C3orf20: variants seen among roughly 807,000 people sequenced by gnomAD.
C3orf20 encodes family with sequence similarity 149 member C.
A neutral mutation model predicts 88.3 loss-of-function variants in C3orf20; 76 were observed. The ratio of observed to expected loss-of-function variants is 0.86; its 90% confidence interval spans 0.72 to 1.04. The LOEUF (loss-of-function observed/expected upper bound fraction) is 1.04. Among genes scored for constraint, C3orf20 ranks in the 50% least tolerant of loss-of-function variants. C3orf20 has a pLI of 0.00. For synonymous variants in C3orf20, 436 were observed against 437.4 expected (o/e 1.00, Z 0.04); for missense variants, 1,056 against 1,123.3 (o/e 0.94, Z 0.86).
intron 9 of C3orf20, among the ~76,000 whole-genome samples, chr3:14,717,322 G>A (rs1002443638): frequency 2.0e-5 from 3 of 152,174 alleles, no homozygotes; most frequent in African/African-American, 7.2e-5. Context: ...GCTGCATGCA[G>A]AAGAGCACAA....
chr3:14,761,498 T>A lies in C3orf20; in HGVS notation c.2378T>A (p.Phe793Tyr), dbSNP rs753033686. ...ATGTTTGCCGGGGGGAAGCTCATTT[T>A]TGGGGGCCGTGTTTTGAATGGATAT... Reference protein sequence around the residue: ...ILMFAGGKLIFGGRVLNGYGL... With the variant: ...ILMFAGGKLIYGGRVLNGYGL... The change falls in exon 15 of 17, where the codon TTT (phenylalanine) becomes TAT (tyrosine). Residue 793 changes from phenylalanine to tyrosine, a missense_variant. By Grantham distance (22) the Phe-to-Tyr change is conservative. Coordinates refer to ENST00000253697, the MANE Select transcript of C3orf20 (RefSeq NM_032137.5). 6.2e-6 allele frequency: 10 copies of A among 1,614,096 alleles called. No homozygotes were observed. Among genetic ancestry groups the A allele is most frequent in the Non-Finnish European group, 8.5e-6 (10 of 1,180,036 alleles).
chr3:14,770,047 C>T (rs1289907451), intron 15 of C3orf20, among the ~76,000 whole-genome samples: 1 of 152,150 alleles, frequency 6.6e-6, no homozygotes, highest in Non-Finnish European at 1.5e-5. Context: ...TCCTCCACAT[C>T]CACCCTGGGC....
At position 14,690,444 on chromosome 3, in the gene C3orf20, C is replaced by T. The variant is rs115867982; in HGVS notation, c.745+328C>T. 1.8e-3 allele frequency among the ~76,000 whole-genome samples: 280 copies of T among 152,316 alleles called. 2 individuals are homozygous for T. The highest frequency in any genetic ancestry group is 5.8e-3 in the African/African-American group (240 of 41,566). The stretch of plus-strand genomic sequence containing the variant: ...CTATCCCTACAGTATCCCAAACTCA[C>T]GCCTCTGCTCAGACAGCTCTGTCCA... On this transcript the variant is annotated intron_variant, in intron 5 of 16. Coordinates refer to ENST00000253697, the MANE Select transcript of C3orf20 (RefSeq NM_032137.5).
At position 14,726,162 on chromosome 3, in the gene C3orf20, C is replaced by T. The variant is rs143741220; in HGVS notation, c.1567-739C>T. On this transcript the variant is annotated intron_variant, in intron 10 of 16. Transcript: ENST00000253697. ...CTGCTCTTGGGAACAGCCCCTTTGA[C>T]GGTCTGAAGGAAGGCAGAGGGAGAG... Among the ~76,000 whole-genome samples, 900 of 152,350 alleles carry T rather than the reference C, an allele frequency of 5.9e-3. 7 individuals are homozygous for T. The highest frequency in any genetic ancestry group is 0.02 in the African/African-American group (830 of 41,590).
chr3:14,747,732 A>G (rs1198963257), intron 12 of C3orf20, among the ~76,000 whole-genome samples: 2 of 152,218 alleles, frequency 1.3e-5, no homozygotes, highest in Admixed American at 6.5e-5. Flanking sequence ...CTGGTCATTT[A>G]CATAAGTGCA....
At chr3:14,692,570 T>G (rs2124911504) in intron 5 of C3orf20, among the ~76,000 whole-genome samples, 1 of 152,326 alleles carries the variant, frequency 6.6e-6, no homozygotes, top group East Asian at 1.9e-4. Context: ...GCTTGAAAGA[T>G]CACTCAATCA....
At chr3:14,700,677 G>A (rs1440818438) in intron 5 of C3orf20, among the ~76,000 whole-genome samples, 1 of 152,208 alleles carries the variant, frequency 6.6e-6, no homozygotes, top group Non-Finnish European at 1.5e-5. Flanking sequence ...TCTTGTTTAG[G>A]AATTAGGCTG....
intron 4 of C3orf20, among the ~76,000 whole-genome samples, chr3:14,684,965 C>T (rs2032318134): frequency 6.6e-6 from 1 of 152,184 alleles, no homozygotes; most frequent in African/African-American, 2.4e-5. Flanking sequence ...AGTAGGATCC[C>T]TTGAGTCCAG....
chr3:14,683,875 C>CAAAAAA (rs966127219), intron 3 of C3orf20, among the ~76,000 whole-genome samples: 3 of 83,210 alleles, frequency 3.6e-5, no homozygotes, highest in African/African-American at 4.7e-5. Flanking sequence ...GACTCCATCT[C>CAAAAAA]AAAAAAAAAA....
chr3:14,772,301 G>A lies in C3orf20; in HGVS notation c.2630+100G>A, dbSNP rs1403034814. On this transcript the variant is annotated intron_variant, in intron 16 of 16. Transcript: ENST00000253697. This position sits in a 1 kb window ranked among gnomAD's most constrained non-coding sequence, Gnocchi z 4.2. ...AGTCACTACCCCCAGGCGTGGCCTGGGTCATGTCCAACCATCGCTGACATC... is the reference window on the plus strand; with the variant it reads ...AGTCACTACCCCCAGGCGTGGCCTGAGTCATGTCCAACCATCGCTGACATC... 1.0e-5 allele frequency: 15 copies of A among 1,471,368 alleles called. No homozygotes were observed. In the East Asian group the frequency reaches 3.2e-4, roughly 31 times the overall value. 91.1% of individuals were successfully genotyped at this position (1,471,368 alleles called of 1,614,324 possible). A position where few individuals can be genotyped will look rare whatever the true frequency, so the allele number is the denominator to read the frequency against.
intron 12 of C3orf20, among the ~76,000 whole-genome samples, chr3:14,749,268 C>A (rs943759423): frequency 6.6e-6 from 1 of 152,112 alleles, no homozygotes; most frequent in African/African-American, 2.4e-5. Flanking sequence ...TATAACCACT[C>A]CTGGTTATTT....
At chr3:14,724,876 G>A (rs1387680335) in intron 10 of C3orf20, among the ~76,000 whole-genome samples, 2 of 152,174 alleles carry the variant, frequency 1.3e-5, no homozygotes, top group Non-Finnish European at 2.9e-5. Flanking sequence ...GTTTGGCAGT[G>A]CAGTAGAAGA....
chr3:14,676,454 T>C (rs2031776895), intron 1 of C3orf20, among the ~76,000 whole-genome samples: 1 of 152,252 alleles, frequency 6.6e-6, no homozygotes, highest in Non-Finnish European at 1.5e-5. Context: ...GGTTCTTCTT[T>C]CTTTAACATT....
chr3:14,686,847 C>T (rs549634310), intron 4 of C3orf20, among the ~76,000 whole-genome samples: 3 of 152,332 alleles, frequency 2.0e-5, no homozygotes, highest in African/African-American at 7.2e-5. Context: ...TAGTCTCTCT[C>T]CCTGTCCACT....
chr3:14,734,470 T>C (rs193144387), intron 12 of C3orf20, among the ~76,000 whole-genome samples: 84 of 152,266 alleles, frequency 5.5e-4, no homozygotes, highest in African/African-American at 2.0e-3. Flanking sequence ...ATATTTAGAG[T>C]GTGTAACGTA....
At position 14,766,754 on chromosome 3, in the gene C3orf20, C is replaced by T. The variant is rs754489852; in HGVS notation, c.2495+5139C>T. ...CCAGGCAGGGAGGGCAGTTGGCCCT[C>T]TTAGCTCAGCCTGCCAGCACCCAGG... is the stretch of plus-strand genomic sequence containing the variant. On this transcript the variant is annotated intron_variant, in intron 15 of 16. Coordinates refer to ENST00000253697, the MANE Select transcript of C3orf20 (RefSeq NM_032137.5). Among the ~76,000 whole-genome samples the T allele has an allele frequency of 2.0e-5, 3 of 152,212 alleles. No homozygotes were observed. The East Asian group carries it at 5.8e-4, about 29-fold the overall frequency.
intron 12 of C3orf20, among the ~76,000 whole-genome samples, chr3:14,746,219 T>G (rs1008956053): frequency 6.6e-6 from 1 of 152,230 alleles, no homozygotes; most frequent in East Asian, 1.9e-4. Context: ...TTGGGGGTTT[T>G]ACTAGAAAGA....
At chr3:14,755,887 G>T (rs529713861) in intron 12 of C3orf20, among the ~76,000 whole-genome samples, 1 of 152,010 alleles carries the variant, frequency 6.6e-6, no homozygotes, top group South Asian at 2.1e-4. Context: ...AACTTAGCCA[G>T]GCGTGGTGGT....
intron 5 of C3orf20, among the ~76,000 whole-genome samples, chr3:14,695,297 T>C (rs1184743141): frequency 6.6e-6 from 1 of 152,186 alleles, no homozygotes; most frequent in African/African-American, 2.4e-5. Context: ...TTATATAGTT[T>C]CCAAAATTCC....
Sources: allele counts gnomAD v4.1 joint callset (sites outside exome capture counted in the v4.1 genomes callset), GRCh38; gene constraint gnomAD v4.1.1; non-coding constraint Gnocchi (gnomAD v3.1); transcripts MANE v1.5; gene names NCBI Gene and HGNC (gene_info 2026-07-23, HGNC 2026-07-21).